Variants in MALT1 observed in about 807,000 individuals in gnomAD.
The protein encoded by MALT1 is MALT1 paracaspase, also known as mucosa-associated lymphoid tissue lymphoma translocation protein 1.
A neutral mutation model predicts 85.5 loss-of-function variants in MALT1; 36 were observed. That is an observed-to-expected ratio of 0.42 (90% confidence interval 0.32 to 0.56). MALT1 has a LOEUF of 0.56. Ranked by LOEUF, MALT1 falls within the 20% of genes least tolerant of loss-of-function variation. MALT1 has a pLI of 0.10. For synonymous variants in MALT1, 359 were observed against 361.3 expected (o/e 0.99, Z 0.07); for missense variants, 716 against 981.6 (o/e 0.73, Z 3.62).
Position 58,671,862 on chromosome 18 carries a change from G to C in MALT1, c.209+10G>C. The stretch of plus-strand genomic sequence containing the variant: ...GGCGCCTCCGCCTCAGGTGAGCTCA[G>C]GGCCGCGGCAGGCCGGGCGCGCGGG... On this transcript the variant is annotated intron_variant, in intron 1 of 16. Transcript: ENST00000649217. The C allele has an allele frequency of 8.2e-7, 1 of 1,218,744 alleles. No homozygotes were observed. Among genetic ancestry groups the C allele is most frequent in the Non-Finnish European group, 1.0e-6 (1 of 979,778 alleles). The allele number at this position is 1,218,744 out of a possible 1,614,324, so 75.5% of individuals were successfully genotyped here.
intron 10 of MALT1, among the ~76,000 whole-genome samples, chr18:58,729,605 T>C (rs75022589): frequency 0.048 from 7,249 of 152,228 alleles, 206 homozygotes; most frequent in East Asian, 0.071. Flanking sequence ...ATCTTTGTAA[T>C]TTAATTTTCT....
At chr18:58,719,907 A>G (rs941427198) in intron 9 of MALT1, among the ~76,000 whole-genome samples, 1 of 149,050 alleles carries the variant, frequency 6.7e-6, no homozygotes, top group Admixed American at 6.6e-5. Context: ...ACTTAATAGC[A>G]TTTACTATAT....
chr18:58,745,493 A>G (rs552009051), intron 15 of MALT1, among the ~76,000 whole-genome samples, 173 bp from the exon 16 acceptor site: 1 of 152,280 alleles, frequency 6.6e-6, no homozygotes, highest in African/African-American at 2.4e-5. Flanking sequence ...TCCTATTATA[A>G]CCATAGATTG....
intron 6 of MALT1, among the ~76,000 whole-genome samples, chr18:58,710,362 T>G (rs1010990156): frequency 2.6e-5 from 4 of 152,220 alleles, no homozygotes; most frequent in Non-Finnish European, 5.9e-5. Context: ...TCTTTAAAGC[T>G]TTAGCTACAA....
intron 3 of MALT1, 152 bp from the exon 4 acceptor site, chr18:58,700,289 C>A: frequency 3.8e-6 from 2 of 521,264 alleles, no homozygotes; most frequent in African/African-American, 2.0e-5. Context: ...TAACTCAAAG[C>A]GTTACTGTTT....
At chr18:58,688,283 A>C (rs1602283963) in intron 2 of MALT1, among the ~76,000 whole-genome samples, 2 of 136,214 alleles carry the variant, frequency 1.5e-5, no homozygotes, top group Admixed American at 1.5e-4. Flanking sequence ...TGAAGCAATA[A>C]ATTGTATATA....
chr18:58,687,918 G>A (rs951061619), intron 2 of MALT1, among the ~76,000 whole-genome samples: 1 of 152,202 alleles, frequency 6.6e-6, no homozygotes, highest in Admixed American at 6.5e-5. Context: ...ATTCTCCCAG[G>A]CTTACAGGAA....
At chr18:58,731,242 C>G (rs11152091) in intron 10 of MALT1, among the ~76,000 whole-genome samples, 1 of 152,166 alleles carries the variant, frequency 6.6e-6, no homozygotes, top group African/African-American at 2.4e-5. Flanking sequence ...CTTGAGCCTC[C>G]GCGCCTGGCC....
At chr18:58,676,479 CAT>C (rs1293020364) in intron 1 of MALT1, among the ~76,000 whole-genome samples, 2 of 152,226 alleles carry the variant, frequency 1.3e-5, no homozygotes, top group Non-Finnish European at 2.9e-5. Context: ...ACTCTGGTCA[CAT>C]GTGCTTTCTT....
chr18:58,720,115 C>G (rs2144414490), intron 9 of MALT1, among the ~76,000 whole-genome samples: 1 of 152,320 alleles, frequency 6.6e-6, no homozygotes, highest in Admixed American at 6.5e-5. Flanking sequence ...GCTGAATCCA[C>G]TGGCATTTTT....
At chr18:58,737,963 G>A (rs1270694033) in intron 13 of MALT1, among the ~76,000 whole-genome samples, 2 of 152,158 alleles carry the variant, frequency 1.3e-5, no homozygotes, top group Non-Finnish European at 2.9e-5. Context: ...CCATCAATCT[G>A]TAACGTGACT....
At chr18:58,728,636 A>G (rs891523292) in intron 10 of MALT1, among the ~76,000 whole-genome samples, 4 of 152,204 alleles carry the variant, frequency 2.6e-5, no homozygotes, top group African/African-American at 7.2e-5. Flanking sequence ...TTTTAAAAAA[A>G]TGATTTGGAC....
intron 3 of MALT1, among the ~76,000 whole-genome samples, chr18:58,698,990 T>C (rs959946733): frequency 2.0e-5 from 3 of 152,214 alleles, no homozygotes; most frequent in African/African-American, 7.2e-5. Flanking sequence ...GGCAGCCTCA[T>C]TTCCCAGAAC....
intron 4 of MALT1, among the ~76,000 whole-genome samples, chr18:58,708,052 A>AC (rs1602308588): frequency 6.6e-6 from 1 of 151,014 alleles, no homozygotes. Context: ...GGGGTCTGAG[A>AC]CCCCCCTGCC....
intron 10 of MALT1, among the ~76,000 whole-genome samples, chr18:58,724,318 T>C (rs1447383210): frequency 1.3e-5 from 2 of 152,210 alleles, no homozygotes; most frequent in East Asian, 3.8e-4. Flanking sequence ...AGTTTCCCTC[T>C]CTAAATAGTG....
chr18:58,678,081 A>G (rs1292155055), intron 1 of MALT1, among the ~76,000 whole-genome samples: 1 of 152,236 alleles, frequency 6.6e-6, no homozygotes, highest in Non-Finnish European at 1.5e-5. Context: ...CACTTCTTAC[A>G]TGGATTAGCT....
chr18:58,750,066 T>C lies in MALT1; in HGVS notation c.*2224T>C, dbSNP rs867557370. The C allele has an allele frequency of 5.2e-6, 1 of 191,800 alleles. No homozygotes were observed. Among genetic ancestry groups the C allele is most frequent in the South Asian group, 1.9e-4 (1 of 5,176 alleles). The allele number at this position is 191,800 out of a possible 1,614,324, so 11.9% of individuals were successfully genotyped here. A position where few individuals can be genotyped will look rare whatever the true frequency, so the allele number is the denominator to read the frequency against. On this transcript the variant is annotated 3_prime_UTR_variant, in exon 17 of 17. Coordinates refer to ENST00000649217, the MANE Select transcript of MALT1 (RefSeq NM_006785.4). ...GCAAAAGAAGTGAAACTATATGTATTCACAGTTGATACATAGTTGTATATA... is the reference window on the plus strand; with the variant it reads ...GCAAAAGAAGTGAAACTATATGTATCCACAGTTGATACATAGTTGTATATA...
chr18:58,680,391 AC>A (rs2054302891), intron 1 of MALT1, among the ~76,000 whole-genome samples: 5 of 152,156 alleles, frequency 3.3e-5, no homozygotes, highest in Admixed American at 3.3e-4. Context: ...TAATGAATTA[AC>A]AGTATTTCAT....
intron 4 of MALT1, among the ~76,000 whole-genome samples, chr18:58,705,456 C>T (rs1006170269): frequency 2.1e-5 from 3 of 145,410 alleles, no homozygotes; most frequent in Admixed American, 1.4e-4. Context: ...GTATATCTCC[C>T]AATGCTATCC....
Sources: gnomAD v4.1 joint callset for allele counts (sites outside exome capture counted in the v4.1 genomes callset) on GRCh38, gnomAD v4.1.1 for gene constraint, MANE v1.5 for transcripts, NCBI Gene and HGNC (gene_info 2026-07-23, HGNC 2026-07-21) for gene names.